Variants in TNKS1BP1 observed in about 807,000 individuals in gnomAD.
TNKS1BP1 encodes CCR4-NOT transcription complex subunit 12, also known as 182 kDa tankyrase-1-binding protein.
Under a neutral mutation model 141.1 loss-of-function variants are expected in TNKS1BP1, and 48 were observed. That is an observed-to-expected ratio of 0.34 (90% CI 0.27 to 0.43). The LOEUF is 0.43. Among genes scored for constraint, TNKS1BP1 ranks in the 20% least tolerant of loss-of-function variants. The probability of loss-of-function intolerance (pLI) is 1.00; values close to 1 mark genes in which losing one functional copy is unlikely to be tolerated. For missense variants in TNKS1BP1, 2,149 were observed against 2,226.0 expected, an observed-to-expected ratio of 0.97 and a Z score of 0.70; for synonymous variants, 875 against 898.2, an observed-to-expected ratio of 0.97 and a Z score of 0.46.
At chr11:57,320,780 T>C (rs1209784537) in intron 2 of TNKS1BP1, 68 bp from the exon 3 acceptor site, 8 of 1,465,682 alleles carry the variant, frequency 5.5e-6, no homozygotes, top group Non-Finnish European at 7.2e-6. Flanking sequence ...CTTTGTTTCC[T>C]GTTCCACCTC....
Position 57,313,191 on chromosome 11 carries a change from G to A in TNKS1BP1, c.1497C>T (p.Pro499=), listed in dbSNP as rs778587328. 17 of 1,612,458 alleles carry A rather than the reference G, an allele frequency of 1.1e-5. No homozygotes were observed. Among genetic ancestry groups the A allele is most frequent in the Non-Finnish European group, 8.5e-6 (10 of 1,179,934 alleles). The change falls in exon 5 of 12, where the codon CCC becomes CCT. Residue 499 remains proline, a synonymous_variant. Transcript: ENST00000358252. ...VWRLDSPPPS[P]ITEASEAAEA... ...CGGCGGCCTCACTGGCTTCAGTGATGGGGGAGGGAGGCGGGGAGTCCAGCC... is the reference window on the plus strand; with the variant it reads ...CGGCGGCCTCACTGGCTTCAGTGATAGGGGAGGGAGGCGGGGAGTCCAGCC...
chr11:57,300,442 T>C lies in TNKS1BP1; in HGVS notation c.*12+86A>G, dbSNP rs1032390419. 1.0e-5 allele frequency: 13 copies of C among 1,255,302 alleles called. No individual in the cohort carries two copies. The African/African-American group carries it at 1.6e-4, about 16-fold the overall frequency. 77.8% of individuals were successfully genotyped at this position (1,255,302 alleles called of 1,614,324 possible). ...AACTTGCACAGAAAGGGGTGGGAGC[T>C]AAGGGACAGAAGGGGCATGAGGCCT... On this transcript the variant is annotated intron_variant, in intron 11 of 11. Transcript: ENST00000358252.
rs774815208 is a variant in TNKS1BP1, at chr11:57,320,596, G to T, written c.211C>A (p.Pro71Thr). The T allele has an allele frequency of 5.0e-6, 8 of 1,613,892 alleles. No homozygotes were observed. Among genetic ancestry groups the T allele is most frequent in the Admixed American group, 1.7e-5 (1 of 60,000 alleles). ...VPVGPRPPRGPLAELPSARKM... is the reference protein window; with the variant it reads ...VPVGPRPPRGTLAELPSARKM... ...CTGGCAGAAGGCAACTCAGCCAGGG[G>T]ACCCCGGGGAGGCCGAGGCCCAACA... Residue 71 changes from proline (P) to threonine (T), a missense_variant, in exon 3 of 12, where the codon CCC becomes ACC. Pro to Thr is a conservative substitution (Grantham distance 38, BLOSUM62 -1). Coordinates refer to ENST00000358252, the MANE Select transcript of TNKS1BP1 (RefSeq NM_033396.3).
In TNKS1BP1 at chr11:57,302,221, T is replaced by G. The variant is rs777152864; in HGVS notation, c.4687A>C (p.Thr1563Pro). ...PSQDFSFIED[T>P]EILDSAMYRS... Reference sequence around the variant, plus strand: ...TACATGGCACTGTCGAGGATCTCGGTGTCCTGCTTGGGGCAATGGTGACAC... The same window carrying G: ...TACATGGCACTGTCGAGGATCTCGGGGTCCTGCTTGGGGCAATGGTGACAC... The change falls in exon 8 of 12, where the codon ACC (threonine) becomes CCC (proline). Residue 1563 changes from threonine (T) to proline (P), a missense_variant. Coordinates refer to ENST00000358252, the MANE Select transcript of TNKS1BP1 (RefSeq NM_033396.3). The surrounding 1 kb of genome is among the most constrained non-coding windows in gnomAD (Gnocchi z 5.5). 5.0e-5 allele frequency: 81 copies of G among 1,610,176 alleles called. No homozygotes were observed. The highest frequency in any genetic ancestry group is 6.9e-5 in the Non-Finnish European group (81 of 1,178,698).
chr11:57,307,778 C>T (rs1461294864), intron 6 of TNKS1BP1, among the ~76,000 whole-genome samples: 4 of 152,258 alleles, frequency 2.6e-5, no homozygotes, highest in Non-Finnish European at 5.9e-5. Context: ...ACAGACTGTG[C>T]TTGCCTTGCA....
rs766053075 is a variant in TNKS1BP1 at position 57,301,029 on chromosome 11, G to A, written c.4984C>T (p.Pro1662Ser). The A allele has an allele frequency of 8.1e-6, 13 of 1,611,272 alleles. No individual in the cohort carries two copies. The East Asian group carries it at 2.5e-4, about 30-fold the overall frequency. Reference sequence around the variant, plus strand: ...CCCTCCTCAGCTGAGCGATTCCGGGGGCGCAGCTTGGCCTGAGAAGCAAGT... The same window carrying A: ...CCCTCCTCAGCTGAGCGATTCCGGGAGCGCAGCTTGGCCTGAGAAGCAAGT... ...SPSALKAKLR[P>S]RNRSAEEGEL... is the part of the protein sequence containing the mutation. The change falls in exon 10 of 12, where the codon CCC becomes TCC. Residue 1662 changes from proline (P) to serine (S), a missense_variant. Physicochemically the swap from Pro to Ser is moderately conservative, Grantham distance 74. Coordinates refer to ENST00000358252, the MANE Select transcript of TNKS1BP1 (RefSeq NM_033396.3).
Position 57,313,276 on chromosome 11 carries a change from C to T in TNKS1BP1, c.1412G>A (p.Ser471Asn). The change falls in exon 5 of 12, where the codon AGC becomes AAC. Residue 471 changes from serine to asparagine, a missense_variant. By Grantham distance (46) the Ser-to-Asn change is conservative (BLOSUM62 1). Coordinates refer to ENST00000358252, the MANE Select transcript of TNKS1BP1 (RefSeq NM_033396.3). ...DRPFGAESNW[S>N]LSQSFEWTFP... The stretch of plus-strand genomic sequence containing the variant: ...GGTCCATTCGAAGGACTGTGATAAG[C>T]TCCAGTTGGACTCTGCCCCAAAGGG... 6.2e-7 allele frequency: 1 copy of T among 1,613,012 alleles called. No individual in the cohort carries two copies. The highest frequency in any genetic ancestry group is 1.7e-5 in the Admixed American group (1 of 60,024).
At chr11:57,320,858 T>G (rs574506066) in intron 2 of TNKS1BP1, 146 bp from the exon 3 acceptor site, 2 of 993,326 alleles carry the variant, frequency 2.0e-6, no homozygotes, top group Admixed American at 3.3e-5. Flanking sequence ...ACCTCTTCCA[T>G]GAAGCCTTCC....
intron 5 of TNKS1BP1, chr11:57,311,089 C>T (rs1855700887): frequency 5.6e-6 from 2 of 357,234 alleles, no homozygotes; most frequent in African/African-American, 4.4e-5. Context: ...CTTCCCCAGC[C>T]AAAGTGCCGT....
intron 4 of TNKS1BP1, among the ~76,000 whole-genome samples, chr11:57,316,631 G>A (rs1391544273): frequency 6.6e-6 from 1 of 152,106 alleles, no homozygotes; most frequent in Non-Finnish European, 1.5e-5. Flanking sequence ...CTATCTGAAA[G>A]TCCTTTCCAC....
chr11:57,300,415 T>A, intron 11 of TNKS1BP1, 113 bp downstream of exon 11: 2 of 988,520 alleles, frequency 2.0e-6, no homozygotes, highest in Non-Finnish European at 1.5e-6. Context: ...CTGCTGTTTC[T>A]AAACTTGCAC....
intron 5 of TNKS1BP1, 103 bp from the exon 6 acceptor site, chr11:57,310,659 A>G: frequency 1.4e-6 from 2 of 1,443,316 alleles, no homozygotes; most frequent in Non-Finnish European, 1.8e-6. Flanking sequence ...TGAAAGCCCC[A>G]CTTTGGCAAC....
chr11:57,308,690 G>T lies in TNKS1BP1; in HGVS notation c.4021C>A (p.Gln1341Lys). Residue 1341 changes from glutamine (Q) to lysine (K), a missense_variant, in exon 6 of 12, where the codon CAG becomes AAG. Gln to Lys is a moderately conservative substitution (Grantham distance 53, BLOSUM62 1). Coordinates refer to ENST00000358252, the MANE Select transcript of TNKS1BP1 (RefSeq NM_033396.3). ...SQGLRGCGVG[Q>K]MDWTQDLAPQ... ...GCCAAGTCCTGGGTCCAGTCCATCT[G>T]CCCCACTCCACATCCCCGTAGCCCC... The T allele has an allele frequency of 6.2e-7, 1 of 1,612,786 alleles. No homozygotes were observed.
rs544711173 is a variant in TNKS1BP1 at position 57,324,850 on chromosome 11, G to A, written c.-76C>T. 10 of 984,004 alleles carry A rather than the reference G, an allele frequency of 1.0e-5. No homozygotes were observed. Among genetic ancestry groups the A allele is most frequent in the Admixed American group, 1.2e-4 (2 of 16,100 alleles). The allele number at this position is 984,004 out of a possible 1,614,324, so 61.0% of individuals were successfully genotyped here. ...CCCCCGCGCACTCACGCGCTCGCCC[G>A]GGGTCCGGCTCCGCTCGGCTCGGGG... On this transcript the variant is annotated 5_prime_UTR_variant, in exon 1 of 12. Coordinates refer to ENST00000358252, the MANE Select transcript of TNKS1BP1 (RefSeq NM_033396.3).
intron 6 of TNKS1BP1, among the ~76,000 whole-genome samples, chr11:57,304,910 G>T (rs1855585467): frequency 6.6e-6 from 1 of 150,416 alleles, no homozygotes; most frequent in South Asian, 2.1e-4. Context: ...CTCCTAAAGC[G>T]AGAGGTGGCC....
intron 3 of TNKS1BP1, among the ~76,000 whole-genome samples, chr11:57,319,362 G>A (rs554430379): frequency 6.6e-6 from 1 of 152,230 alleles, no homozygotes; most frequent in South Asian, 2.1e-4. Context: ...AGACTATGGA[G>A]TCATTTTTGA....
rs748073310 is a variant in TNKS1BP1, at chr11:57,310,094, G to A, written c.2617C>T (p.Leu873=). The A allele has an allele frequency of 3.6e-5, 58 of 1,614,058 alleles. No homozygotes were observed. In the South Asian group the frequency reaches 6.0e-4, roughly 17 times the overall value. Residue 873 remains leucine (L), a synonymous_variant, in exon 6 of 12, where the codon CTG becomes TTG. Transcript: ENST00000358252. ...ACATCTCGACTACTGTAGGTACCCA[G>A]TGAATCTCTCTTTCCGAATTCCTGG... is the stretch of plus-strand genomic sequence containing the variant. ...QDQEFGKRDS[L]GTYSSRDVSL...
chr11:57,311,692 G>A (rs1472491854), intron 5 of TNKS1BP1, among the ~76,000 whole-genome samples: 1 of 152,008 alleles, frequency 6.6e-6, no homozygotes, highest in African/African-American at 2.4e-5. Flanking sequence ...GGCCCGGCTT[G>A]AGAAATAAAT....
Position 57,308,942 on chromosome 11 carries a change from G to T in TNKS1BP1, c.3769C>A (p.Gln1257Lys). 1 of 1,614,032 alleles carries T rather than the reference G, an allele frequency of 6.2e-7. No individual in the cohort carries two copies. Among genetic ancestry groups the T allele is most frequent in the East Asian group, 2.2e-5 (1 of 44,886 alleles). Residue 1257 changes from glutamine to lysine, a missense_variant, in exon 6 of 12, where the codon CAG becomes AAG. Gln to Lys is a moderately conservative substitution (Grantham distance 53). Coordinates refer to ENST00000358252, the MANE Select transcript of TNKS1BP1 (RefSeq NM_033396.3). ...HSQARESGVG[Q>K]TDWSGVEAGE... ...GCCTCCACACCTGACCAGTCAGTCTGCCCCACGCCACTCTCTCTGGCCTGG... is the reference window on the plus strand; with the variant it reads ...GCCTCCACACCTGACCAGTCAGTCTTCCCCACGCCACTCTCTCTGGCCTGG...
Sources: gnomAD v4.1 joint callset for allele counts (sites outside exome capture counted in the v4.1 genomes callset) on GRCh38, gnomAD v4.1.1 for gene constraint, Gnocchi (gnomAD v3.1) non-coding constraint, MANE v1.5 for transcripts, NCBI Gene and HGNC (gene_info 2026-07-23, HGNC 2026-07-21) for gene names.